The following SRRM1 variants were observed in gnomAD, a reference collection of about 807,000 sequenced individuals.
SRRM1 encodes serine/arginine repetitive matrix protein 1.
A neutral mutation model predicts 110.2 loss-of-function variants in SRRM1; 19 were observed. The ratio of observed to expected loss-of-function variants is 0.17; its 90% CI spans 0.12 to 0.25. The LOEUF (loss-of-function observed/expected upper bound fraction) is 0.25. SRRM1 is among the 10% of genes least tolerant of loss of function. SRRM1 has a pLI of 1.00. For missense variants in SRRM1, 918 were observed against 1,145.8 expected, an observed-to-expected ratio of 0.80 and a Z score of 2.87; for synonymous variants, 443 against 414.9, an observed-to-expected ratio of 1.07 and a Z score of -0.82.
chr1:24,652,674 C>G, intron 7 of SRRM1, 46 bp downstream of exon 7: 1 of 1,504,094 alleles, frequency 6.6e-7, no homozygotes, highest in Non-Finnish European at 9.0e-7. Context: ...GTTTTATATA[C>G]TACTCTACTG....
intron 13 of SRRM1, among the ~76,000 whole-genome samples, chr1:24,668,238 G>A (rs1671042336): frequency 1.3e-5 from 2 of 151,988 alleles, no homozygotes; most frequent in African/African-American, 4.8e-5. Flanking sequence ...AGAGTGCTGG[G>A]ATGACAGGTG....
chr1:24,654,167 T>C (rs951365007), intron 8 of SRRM1: 1 of 509,748 alleles, frequency 2.0e-6, no homozygotes, highest in Middle Eastern at 6.4e-4. Context: ...AACAGCTATT[T>C]CTTATACTGG....
At chr1:24,657,135 C>T (rs1664594935) in intron 9 of SRRM1, among the ~76,000 whole-genome samples, 2 of 152,160 alleles carry the variant, frequency 1.3e-5, no homozygotes, top group Admixed American at 1.3e-4. Context: ...GGCTGGAGTG[C>T]AGTGGCCCAG....
At chr1:24,643,486 C>CA (rs1298027333) in intron 1 of SRRM1, 139 bp downstream of exon 1, 4 of 496,342 alleles carry the variant, frequency 8.1e-6, no homozygotes, top group Non-Finnish European at 1.2e-5. Context: ...CGGCGCACCC[C>CA]CCCCCCCCCC....
chr1:24,666,781 G>T, intron 12 of SRRM1, 34 bp from the exon 13 acceptor site: 1 of 1,576,136 alleles, frequency 6.3e-7, no homozygotes, highest in African/African-American at 1.4e-5. Flanking sequence ...ACAAAAAAAA[G>T]AAAAAAAATT....
chr1:24,667,888 A>C (rs1347673914), intron 13 of SRRM1, among the ~76,000 whole-genome samples: 1 of 151,814 alleles, frequency 6.6e-6, no homozygotes, highest in African/African-American at 2.4e-5. Flanking sequence ...AACTATTTTA[A>C]AGTGAAAATT....
chr1:24,650,097 A>G lies in SRRM1; in HGVS notation c.521+11A>G. ...TCGTAGCCCAAGAAGGTATCATACA[A>G]TAGATGCATAACTGATGTTTTACAG... On this transcript the variant is annotated intron_variant, in intron 5 of 16. Transcript: ENST00000323848. The G allele has an allele frequency of 3.2e-6, 5 of 1,549,280 alleles. No individual in the cohort carries two copies. The highest frequency in any genetic ancestry group is 1.4e-5 in the African/African-American group (1 of 72,350).
chr1:24,660,231 TC>T (rs1348093640), intron 9 of SRRM1, among the ~76,000 whole-genome samples: 1 of 152,206 alleles, frequency 6.6e-6, no homozygotes, highest in East Asian at 1.9e-4. Flanking sequence ...ATTGTGGAGC[TC>T]GTGTAGCACA....
Position 24,648,861 on chromosome 1 carries a change from T to C in SRRM1, c.237T>C (p.Asn79=). Residue 79 remains asparagine (N), a splice_region_variant and synonymous_variant, in exon 4 of 17, where the codon AAT becomes AAC. Coordinates refer to ENST00000323848, the MANE Select transcript of SRRM1 (RefSeq NM_005839.4). ...EFIFNQLEVK[N]PDSKMMQINL... is the part of the protein sequence containing the mutation. ...CTTCCTGTCGTGTCTTTTTGCAGAA[T>C]CCAGACTCCAAAATGATGCAAATCA... is the stretch of plus-strand genomic sequence containing the variant. 6.2e-7 allele frequency: 1 copy of C among 1,610,092 alleles called. No homozygotes were observed. Among genetic ancestry groups the C allele is most frequent in the East Asian group, 2.2e-5 (1 of 44,880 alleles).
At chr1:24,669,008 A>G in intron 13 of SRRM1, 115 bp from the exon 14 acceptor site, 1 of 773,872 alleles carries the variant, frequency 1.3e-6, no homozygotes, top group East Asian at 2.7e-5. Flanking sequence ...TTCACTTATA[A>G]ATATATTCCC....
chr1:24,667,601 A>G (rs1451038694), intron 13 of SRRM1, among the ~76,000 whole-genome samples: 1 of 152,230 alleles, frequency 6.6e-6, no homozygotes, highest in Non-Finnish European at 1.5e-5. Flanking sequence ...ATACCTGACC[A>G]GTATTCAAAA....
chr1:24,659,719 T>C lies in SRRM1; in HGVS notation c.1316-1000T>C, dbSNP rs150014993. Among the ~76,000 whole-genome samples the C allele has an allele frequency of 3.8e-3, 571 of 152,168 alleles. 5 individuals are homozygous for C. Among genetic ancestry groups the C allele is most frequent in the African/African-American group, 0.013 (532 of 41,424 alleles). On this transcript the variant is annotated intron_variant, in intron 9 of 16. Transcript: ENST00000323848. ...GCCTCAGGTTTCCTCTCTTGTGAAA[T>C]GGAACAGGGAGAAAGGGATGTGATA...
intron 15 of SRRM1, among the ~76,000 whole-genome samples, chr1:24,670,666 T>A (rs1028250661): frequency 6.6e-6 from 1 of 152,112 alleles, no homozygotes; most frequent in African/African-American, 2.4e-5. Flanking sequence ...TGGTTTTTTG[T>A]TTTTAACTTT....
chr1:24,671,721 G>A (rs1489173292), intron 16 of SRRM1, 126 bp downstream of exon 16: 8 of 756,940 alleles, frequency 1.1e-5, no homozygotes, highest in East Asian at 5.2e-5. Flanking sequence ...TAAAAGTCAC[G>A]TACCATACAG....
At chr1:24,669,976 T>C in intron 14 of SRRM1, 144 bp from the exon 15 acceptor site, 1 of 755,086 alleles carries the variant, frequency 1.3e-6, no homozygotes, top group East Asian at 2.6e-5. Context: ...GTAATGTAAA[T>C]TGGATATATG....
chr1:24,660,826 T>C lies in SRRM1; in HGVS notation c.1396+27T>C, dbSNP rs767378754. 3.1e-5 allele frequency: 47 copies of C among 1,499,460 alleles called. No homozygotes were observed. In the South Asian group the frequency reaches 5.3e-4, roughly 17 times the overall value. 92.9% of individuals were successfully genotyped at this position (1,499,460 alleles called of 1,614,324 possible). Reference sequence around the variant, plus strand: ...TAAGTTTGTTGTTTTTTTTTGTGATTTTGGTTTGTTTGTTTTTGTTTTTCT... The same window carrying C: ...TAAGTTTGTTGTTTTTTTTTGTGATCTTGGTTTGTTTGTTTTTGTTTTTCT... On this transcript the variant is annotated intron_variant, in intron 10 of 16. Coordinates refer to ENST00000323848, the MANE Select transcript of SRRM1 (RefSeq NM_005839.4).
intron 6 of SRRM1, among the ~76,000 whole-genome samples, chr1:24,652,060 A>ATATATG (rs1661213592): frequency 7.4e-6 from 1 of 135,156 alleles, no homozygotes; most frequent in Non-Finnish European, 1.6e-5. Context: ...ATATATATAT[A>ATATATG]TATGTACACA....
At chr1:24,650,614 A>G (rs559177562) in intron 5 of SRRM1, 1 of 152,226 alleles carries the variant, frequency 6.6e-6, no homozygotes, top group Non-Finnish European at 1.5e-5. Context: ...CAGCTTCTAT[A>G]TTTGTGGTGA....
chr1:24,662,052 T>C (rs1387587473), intron 11 of SRRM1, among the ~76,000 whole-genome samples: 1 of 152,184 alleles, frequency 6.6e-6, no homozygotes, highest in Non-Finnish European at 1.5e-5. Context: ...ATCGCGCCAC[T>C]GCACTCCAGC....
Sources: allele counts gnomAD v4.1 joint callset (sites outside exome capture counted in the v4.1 genomes callset), GRCh38; gene constraint gnomAD v4.1.1; transcripts MANE v1.5; gene names NCBI Gene and HGNC (gene_info 2026-07-23, HGNC 2026-07-21).